NUDT12: variants seen among roughly 807,000 people sequenced by gnomAD.
NUDT12 encodes the protein NAD-capped RNA hydrolase NUDT12.
In NUDT12, 42 loss-of-function variants were observed where a neutral mutation model predicts 45.7. The observed-to-expected ratio is 0.92, with a 90% confidence interval of 0.72 to 1.19. The LOEUF (loss-of-function observed/expected upper bound fraction) is 1.19. NUDT12 is among the 50% of genes most tolerant of loss of function. The pLI is 0.00. For synonymous variants in NUDT12, 206 were observed against 179.7 expected (o/e 1.15, Z -1.17); for missense variants, 590 against 533.1 (o/e 1.11, Z -1.05).
intron 4 of NUDT12, 51 bp from the exon 5 acceptor site, chr5:103,554,904 A>C: frequency 1.4e-6 from 1 of 708,376 alleles, no homozygotes; most frequent in Non-Finnish European, 2.5e-6. Context: ...ACGAATTTAG[A>C]TTCATTGTAC....
chr5:103,561,585 C>G (rs542086017), intron 1 of NUDT12, among the ~76,000 whole-genome samples: 11 of 152,262 alleles, frequency 7.2e-5, no homozygotes, highest in Middle Eastern at 3.4e-3. Context: ...ATTGAAATTT[C>G]TACATACGTT....
At chr5:103,559,668 C>T in intron 2 of NUDT12, 200 bp from the exon 3 acceptor site, 1 of 444,786 alleles carries the variant, frequency 2.2e-6, no homozygotes, top group Non-Finnish European at 3.9e-6. Flanking sequence ...AGTTAAGAGA[C>T]AGTGGATACT....
intron 6 of NUDT12, among the ~76,000 whole-genome samples, chr5:103,551,838 T>C (rs371018209): frequency 1.1e-4 from 16 of 152,210 alleles, no homozygotes; most frequent in East Asian, 7.7e-4. Flanking sequence ...CACTTACTGA[T>C]GTTTTTTGAG....
Position 103,555,992 on chromosome 5 carries a change from T to C in NUDT12, c.903A>G (p.Leu301=). ...GACTAGGACAGTCTTCTTTTAAACA[T>C]AATCTCTTATAGCCACCTTCTTCAA... ...TKIEEGGYKR[L]CLKEDCPSLN... is the part of the protein sequence containing the mutation. Residue 301 remains leucine (L), a synonymous_variant, in exon 4 of 7, where the codon TTA becomes TTG. Transcript: ENST00000230792. 5 of 1,611,252 alleles carry C rather than the reference T, an allele frequency of 3.1e-6. No homozygotes were observed. The highest frequency in any genetic ancestry group is 4.2e-6 in the Non-Finnish European group (5 of 1,178,236).
Position 103,549,688 on chromosome 5 carries a change from C to T in NUDT12, c.*1173G>A, listed in dbSNP as rs550065485. ...TAAGGTCTCTTGTAGCTCTAGCATA[C>T]ATTAGTAAAGATGCAAATTATACAA... On this transcript the variant is annotated 3_prime_UTR_variant, in exon 7 of 7. Transcript: ENST00000230792. 5.9e-4 allele frequency: 90 copies of T among 151,950 alleles called. No homozygotes were observed. The highest frequency in any genetic ancestry group is 2.9e-5 in the Non-Finnish European group (2 of 67,928). The allele number at this position is 151,950 out of a possible 1,614,324, so 9.4% of individuals were successfully genotyped here. A position where few individuals can be genotyped will look rare whatever the true frequency, so the allele number is the denominator to read the frequency against.
chr5:103,551,916 G>T (rs956111015), intron 6 of NUDT12, among the ~76,000 whole-genome samples: 6 of 152,182 alleles, frequency 3.9e-5, no homozygotes, highest in African/African-American at 9.6e-5. Context: ...TCTCATCTAT[G>T]AATTAATGTT....
At chr5:103,555,127 T>A (rs1748774187) in intron 4 of NUDT12, among the ~76,000 whole-genome samples, 1 of 152,000 alleles carries the variant, frequency 6.6e-6, no homozygotes, top group South Asian at 2.1e-4. Flanking sequence ...TACTTATGGA[T>A]GTTAGGTGTA....
rs1748956405 is a variant in NUDT12, at chr5:103,559,408, C to G, written c.267G>C (p.Trp89Cys). ...GTAAATTAGCTATATGCTTATAACC[C>G]CAAAATACAGCAATGTCCAGTGCAG... is the stretch of plus-strand genomic sequence containing the variant. Reference protein sequence around the residue: ...RQTALDIAVFWGYKHIANLLA... With the variant: ...RQTALDIAVFCGYKHIANLLA... The change falls in exon 3 of 7, where the codon TGG (tryptophan) becomes TGC (cysteine). Residue 89 changes from tryptophan to cysteine, a missense_variant. Coordinates refer to ENST00000230792, the MANE Select transcript of NUDT12 (RefSeq NM_031438.4). The G allele has an allele frequency of 6.2e-7, 1 of 1,610,456 alleles. No homozygotes were observed. The highest frequency in any genetic ancestry group is 8.5e-7 in the Non-Finnish European group (1 of 1,178,558).
Position 103,555,990 on chromosome 5 carries a change from CAT to C in NUDT12, c.903_904del (p.Cys302PhefsTer7). On this transcript the variant is annotated frameshift_variant, in exon 4 of 7. Coordinates refer to ENST00000230792, the MANE Select transcript of NUDT12 (RefSeq NM_031438.4). LOFTEE classifies it high-confidence loss of function. ...GAGACTAGGACAGTCTTCTTTTAAA[CAT>C]AATCTCTTATAGCCACCTTCTTCAA... 6.2e-7 allele frequency: 1 copy of C among 1,611,122 alleles called. No individual in the cohort carries two copies. The highest frequency in any genetic ancestry group is 1.1e-5 in the South Asian group (1 of 90,686).
In NUDT12 at chr5:103,554,735, C is replaced by G; in HGVS notation, c.1078+5G>C. On this transcript the variant is annotated splice_donor_5th_base_variant and intron_variant, in intron 5 of 6. Transcript: ENST00000230792. The stretch of plus-strand genomic sequence containing the variant: ...TTAAATATAAATTATTAAGAAATGG[C>G]TTACCAGGCTCAATAAATCCAGCAA... The G allele has an allele frequency of 8.0e-7, 1 of 1,249,840 alleles. No individual in the cohort carries two copies. The highest frequency in any genetic ancestry group is 1.6e-5 in the African/African-American group (1 of 64,268). The allele number at this position is 1,249,840 out of a possible 1,614,324, so 77.4% of individuals were successfully genotyped here. A position where few individuals can be genotyped will look rare whatever the true frequency, so the allele number is the denominator to read the frequency against.
chr5:103,562,578 C>G (rs1379968062), intron 1 of NUDT12, 125 bp downstream of exon 1: 2 of 152,134 alleles, frequency 1.3e-5, no homozygotes, highest in East Asian at 3.9e-4. Flanking sequence ...CAAACCACTA[C>G]GAGGCTCCGC....
At position 103,550,816 on chromosome 5, in the gene NUDT12, GT is replaced by G. The variant is rs772579645; in HGVS notation, c.*44del. On this transcript the variant is annotated 3_prime_UTR_variant, in exon 7 of 7. Transcript: ENST00000230792. ...CTCTAATATCACTTGAGGAATGAGT[GT>G]TATTAGAAATTATTAAATAATACTC... The G allele has an allele frequency of 3.1e-5, 40 of 1,309,456 alleles. No homozygotes were observed. The African/African-American group carries it at 5.8e-4, about 19-fold the overall frequency. The allele number at this position is 1,309,456 out of a possible 1,614,324, so 81.1% of individuals were successfully genotyped here. A position where few individuals can be genotyped will look rare whatever the true frequency, so the allele number is the denominator to read the frequency against.
chr5:103,560,546 A>G (rs1749001116), intron 1 of NUDT12, among the ~76,000 whole-genome samples: 1 of 151,540 alleles, frequency 6.6e-6, no homozygotes, highest in South Asian at 2.1e-4. Context: ...GTAACATATT[A>G]CATAAGGAGG....
chr5:103,559,378 A>C lies in NUDT12; in HGVS notation c.297T>G (p.Ala99=). The C allele has an allele frequency of 6.2e-7, 1 of 1,613,080 alleles. No homozygotes were observed. Among genetic ancestry groups the C allele is most frequent in the African/African-American group, 1.3e-5 (1 of 75,004 alleles). The change falls in exon 3 of 7, where the codon GCT becomes GCG. Residue 99 remains alanine (A), a synonymous_variant. Transcript: ENST00000230792. ...WGYKHIANLL[A]TAKGGKKPWF... Reference sequence around the variant, plus strand: ...AAGGCTTCTTCCCACCTTTAGCAGTAGCTAGTAAATTAGCTATATGCTTAT... The same window carrying C: ...AAGGCTTCTTCCCACCTTTAGCAGTCGCTAGTAAATTAGCTATATGCTTAT...
rs1254486783 is a variant in NUDT12 at position 103,548,991 on chromosome 5, TAA to T, written c.*1868_*1869del. ...TTTCACCTCTCAGAGGTTGGCAATT[TAA>T]GAGTTGTTATTAAAATAATAATTTA... On this transcript the variant is annotated 3_prime_UTR_variant, in exon 7 of 7. Transcript: ENST00000230792. 1.3e-5 allele frequency: 2 copies of T among 152,170 alleles called. No individual in the cohort carries two copies. The highest frequency in any genetic ancestry group is 4.8e-5 in the African/African-American group (2 of 41,450). The allele number at this position is 152,170 out of a possible 1,614,324, so 9.4% of individuals were successfully genotyped here.
At position 103,556,065 on chromosome 5, in the gene NUDT12, C is replaced by T. The variant is rs1328120022; in HGVS notation, c.830G>A (p.Trp277Ter). 1 of 1,610,040 alleles carries T rather than the reference C, an allele frequency of 6.2e-7. No individual in the cohort carries two copies. The highest frequency in any genetic ancestry group is 1.1e-5 in the South Asian group (1 of 90,344). The stretch of plus-strand genomic sequence containing the variant: ...TGGGCAAAACTTGTATCGACTGTGC[C>T]AGGCAAGAACAGATCTTGCTTGAGC... Reference protein sequence around the residue: ...VVAQARSVLAWHSRYKFCPTC... With the variant: ...VVAQARSVLA The change falls in exon 4 of 7, where the codon TGG becomes TAG. Residue 277 changes from tryptophan (W) to a stop codon, truncating the protein, a stop_gained. Coordinates refer to ENST00000230792, the MANE Select transcript of NUDT12 (RefSeq NM_031438.4). LOFTEE classifies it high-confidence loss of function.
chr5:103,556,023 G>C lies in NUDT12; in HGVS notation c.872C>G (p.Thr291Ser). 3 of 1,611,958 alleles carry C rather than the reference G, an allele frequency of 1.9e-6. No individual in the cohort carries two copies. Among genetic ancestry groups the C allele is most frequent in the Non-Finnish European group, 2.5e-6 (3 of 1,178,692 alleles). ...YKFCPTCGNA[T>S]KIEEGGYKRL... is the part of the protein sequence containing the mutation. Reference sequence around the variant, plus strand: ...CTTATAGCCACCTTCTTCAATTTTAGTTGCATTTCCACAGGTTGGGCAAAA... The same window carrying C: ...CTTATAGCCACCTTCTTCAATTTTACTTGCATTTCCACAGGTTGGGCAAAA... Residue 291 changes from threonine (T) to serine (S), a missense_variant, in exon 4 of 7, where the codon ACT becomes AGT. Thr to Ser is a moderately conservative substitution (Grantham distance 58). Transcript: ENST00000230792.
chr5:103,551,923 T>C (rs1748665451), intron 6 of NUDT12, among the ~76,000 whole-genome samples: 1 of 152,204 alleles, frequency 6.6e-6, no homozygotes, highest in Non-Finnish European at 1.5e-5. Context: ...TATGAATTAA[T>C]GTTTTTCTAA....
chr5:103,559,524 C>CT, intron 2 of NUDT12, 56 bp from the exon 3 acceptor site: 1 of 864,912 alleles, frequency 1.2e-6, no homozygotes, highest in Non-Finnish European at 1.7e-6. Flanking sequence ...TAAACACTTT[C>CT]TCCGTATTTA....
Sources: gnomAD v4.1 joint callset for allele counts (sites outside exome capture counted in the v4.1 genomes callset) on GRCh38, gnomAD v4.1.1 for gene constraint, MANE v1.5 for transcripts, NCBI Gene and HGNC (gene_info 2026-07-23, HGNC 2026-07-21) for gene names.